IMMP2L: variants seen among roughly 807,000 people sequenced by gnomAD.
The protein encoded by IMMP2L is mitochondrial inner membrane protease subunit 2.
IMMP2L carries 18 observed loss-of-function variants against 19.3 expected under a neutral mutation model. That is an observed-to-expected ratio of 0.93 (90% CI 0.64 to 1.38). IMMP2L has a LOEUF of 1.38. IMMP2L is among the 40% of genes most tolerant of loss of function. The pLI is 0.00. For synonymous variants in IMMP2L, 76 were observed against 73.0 expected (o/e 1.04, Z -0.21); for missense variants, 233 against 218.2 (o/e 1.07, Z -0.43).
intron 3 of IMMP2L, among the ~76,000 whole-genome samples, chr7:111,451,880 C>CT (rs936833898): frequency 3.3e-5 from 5 of 151,914 alleles, no homozygotes; most frequent in South Asian, 2.1e-4. Context: ...TCAATATATA[C>CT]TTTTTTAAAA....
intron 5 of IMMP2L, among the ~76,000 whole-genome samples, chr7:110,826,503 A>G (rs1468644850): frequency 2.0e-5 from 3 of 152,214 alleles, no homozygotes; most frequent in African/African-American, 7.2e-5. Flanking sequence ...AATACTATGC[A>G]GCCATAAAAA....
intron 3 of IMMP2L, among the ~76,000 whole-genome samples, chr7:111,158,294 A>G (rs958151670): frequency 6.6e-6 from 1 of 152,102 alleles, no homozygotes; most frequent in African/African-American, 2.4e-5. Flanking sequence ...ATAGATATAG[A>G]TACACATATA....
chr7:110,767,250 A>ATGTTTTTGC (rs1798730858), intron 5 of IMMP2L, among the ~76,000 whole-genome samples: 1 of 152,166 alleles, frequency 6.6e-6, no homozygotes, highest in Non-Finnish European at 1.5e-5. Context: ...TGCAAAATGG[A>ATGTTTTTGC]AAAGATTGAT....
chr7:110,966,606 G>T (rs550027258), intron 3 of IMMP2L, among the ~76,000 whole-genome samples: 51 of 151,942 alleles, frequency 3.4e-4, no homozygotes, highest in South Asian at 2.5e-3. Flanking sequence ...TATGCAAAGG[G>T]AGCTATCTAT....
chr7:110,834,077 C>T (rs984553214), intron 5 of IMMP2L, among the ~76,000 whole-genome samples: 2 of 152,132 alleles, frequency 1.3e-5, no homozygotes, highest in Non-Finnish European at 2.9e-5. Flanking sequence ...TTGCTTCTAG[C>T]GTCTTTCTCC....
At chr7:111,127,493 A>G (rs568746957) in intron 3 of IMMP2L, among the ~76,000 whole-genome samples, 1 of 152,342 alleles carries the variant, frequency 6.6e-6, no homozygotes, top group Non-Finnish European at 1.5e-5. Context: ...TTTCTGTTAC[A>G]ACCAAAAATA....
At chr7:110,956,435 T>C (rs995022394) in intron 4 of IMMP2L, among the ~76,000 whole-genome samples, 2 of 152,012 alleles carry the variant, frequency 1.3e-5, no homozygotes, top group Non-Finnish European at 2.9e-5. Context: ...CTGTTTTCTC[T>C]GAATACTTCT....
At chr7:111,006,955 T>G (rs1245481033) in intron 3 of IMMP2L, among the ~76,000 whole-genome samples, 2 of 152,122 alleles carry the variant, frequency 1.3e-5, no homozygotes, top group African/African-American at 4.8e-5. Context: ...CTATCATATT[T>G]CTGACTTCCC....
intron 3 of IMMP2L, among the ~76,000 whole-genome samples, chr7:111,466,781 G>A (rs934916453): frequency 2.6e-5 from 4 of 152,118 alleles, no homozygotes; most frequent in Non-Finnish European, 4.4e-5. Context: ...AACATGTACA[G>A]ACATTTTTTC....
chr7:110,687,840 C>G (rs1793223631), intron 5 of IMMP2L, among the ~76,000 whole-genome samples: 2 of 151,856 alleles, frequency 1.3e-5, no homozygotes, highest in East Asian at 1.9e-4. Flanking sequence ...CCACTCATCT[C>G]AAGAGGTGGA....
chr7:111,478,415 A>G lies in IMMP2L; in HGVS notation c.239+8823T>C, dbSNP rs561835268. On this transcript the variant is annotated intron_variant, in intron 3 of 5. Coordinates refer to ENST00000405709, the MANE Select transcript of IMMP2L (RefSeq NM_032549.4). ...ATAATTTTTTTCTGTTTTTGGAGAG[A>G]GGGTCTTACTCTGTCACCCAGGCTG... Among the ~76,000 whole-genome samples, 64 of 152,066 alleles carry G rather than the reference A, an allele frequency of 4.2e-4. 1 individual carries two copies. In the South Asian group the frequency reaches 8.9e-3, roughly 21 times the overall value.
At chr7:111,450,781 C>T (rs1388242806) in intron 3 of IMMP2L, among the ~76,000 whole-genome samples, 1 of 151,142 alleles carries the variant, frequency 6.6e-6, no homozygotes, top group Middle Eastern at 3.2e-3. Flanking sequence ...CAACCTACAA[C>T]ATGGGAGAAA....
Position 111,296,343 on chromosome 7 carries a change from A to G in IMMP2L, c.239+190895T>C, listed in dbSNP as rs552830626. On this transcript the variant is annotated intron_variant, in intron 3 of 5. Coordinates refer to ENST00000405709, the MANE Select transcript of IMMP2L (RefSeq NM_032549.4). ...ACCAATACATGAAATTAAAACGACTAAAGTTAAAAACTGATAATACTAGAC... is the reference window on the plus strand; with the variant it reads ...ACCAATACATGAAATTAAAACGACTGAAGTTAAAAACTGATAATACTAGAC... Among the ~76,000 whole-genome samples the G allele has an allele frequency of 2.6e-5, 4 of 152,104 alleles. No homozygotes were observed. The East Asian group carries it at 5.8e-4, about 22-fold the overall frequency.
chr7:111,195,355 A>T (rs1044060538), intron 3 of IMMP2L, among the ~76,000 whole-genome samples: 1 of 152,080 alleles, frequency 6.6e-6, no homozygotes, highest in Non-Finnish European at 1.5e-5. Flanking sequence ...AATTTCTATG[A>T]TCTCAATACA....
In IMMP2L at chr7:111,216,177, T is replaced by G. The variant is rs2129619711; in HGVS notation, c.240-252612A>C. 1.3e-5 allele frequency among the ~76,000 whole-genome samples: 2 copies of G among 152,278 alleles called. 1 individual carries two copies. The highest frequency in any genetic ancestry group is 1.3e-4 in the Admixed American group (2 of 15,296). ...GGAGTCACATACATCACCAATTTTG[T>G]CATCTCACTTTCCTTTGAGGAGGTC... On this transcript the variant is annotated intron_variant, in intron 3 of 5. Transcript: ENST00000405709.
chr7:111,158,325 T>C (rs1188381726), intron 3 of IMMP2L, among the ~76,000 whole-genome samples: 3 of 152,062 alleles, frequency 2.0e-5, no homozygotes, highest in African/African-American at 7.2e-5. Flanking sequence ...TCAAAGACTG[T>C]TGCATACCAA....
chr7:111,438,160 G>T lies in IMMP2L; in HGVS notation c.239+49078C>A, dbSNP rs1050293151. Among the ~76,000 whole-genome samples, 15 of 150,614 alleles carry T rather than the reference G, an allele frequency of 1.0e-4. 1 individual carries two copies. Among genetic ancestry groups the T allele is most frequent in the African/African-American group, 3.7e-4 (15 of 40,668 alleles). ...TTACCTATTAAAGGCCAATATGAATGAATTATAATAGCAGTAAATTTTTAA... is the reference window on the plus strand; with the variant it reads ...TTACCTATTAAAGGCCAATATGAATTAATTATAATAGCAGTAAATTTTTAA... On this transcript the variant is annotated intron_variant, in intron 3 of 5. Coordinates refer to ENST00000405709, the MANE Select transcript of IMMP2L (RefSeq NM_032549.4).
chr7:111,332,977 G>A (rs1010271337), intron 3 of IMMP2L, among the ~76,000 whole-genome samples: 1 of 151,998 alleles, frequency 6.6e-6, no homozygotes, highest in African/African-American at 2.4e-5. Context: ...ATCCCTTAGG[G>A]TGTCTCTTAG....
chr7:111,288,126 G>A (rs1236082146), intron 3 of IMMP2L, among the ~76,000 whole-genome samples: 1 of 152,006 alleles, frequency 6.6e-6, no homozygotes, highest in East Asian at 1.9e-4. Flanking sequence ...TAAGATATAT[G>A]TTAAACAATG....
Sources: gnomAD v4.1 joint callset for allele counts (sites outside exome capture counted in the v4.1 genomes callset) on GRCh38, gnomAD v4.1.1 for gene constraint, MANE v1.5 for transcripts, NCBI Gene and HGNC (gene_info 2026-07-23, HGNC 2026-07-21) for gene names.